IL1R1: variants seen among roughly 807,000 people sequenced by gnomAD.
IL1R1 encodes the protein interleukin 1 receptor type 1.
Under a neutral mutation model 50.2 loss-of-function variants are expected in IL1R1, and 22 were observed. The ratio of observed to expected loss-of-function variants is 0.44; its 90% CI spans 0.31 to 0.63. The LOEUF is 0.63. IL1R1 is among the 20% of genes least tolerant of loss of function. The probability of loss-of-function intolerance (pLI) is 0.07; values close to 1 mark genes in which losing one functional copy is unlikely to be tolerated. For synonymous variants in IL1R1, 251 were observed against 236.7 expected (o/e 1.06, Z -0.55); for missense variants, 509 against 676.2 (o/e 0.75, Z 2.74).
At chr2:102,166,876 T>G (rs1685225010) in intron 6 of IL1R1, among the ~76,000 whole-genome samples, 1 of 152,164 alleles carries the variant, frequency 6.6e-6, no homozygotes, top group South Asian at 2.1e-4. Flanking sequence ...GCTATGCAAT[T>G]AATAGGTGTA....
At chr2:102,095,840 T>C (rs1032414103) in intron 1 of IL1R1, among the ~76,000 whole-genome samples, 2 of 151,882 alleles carry the variant, frequency 1.3e-5, no homozygotes, top group Non-Finnish European at 2.9e-5. Flanking sequence ...CCATCTCTAC[T>C]AAAAATAGAA....
At chr2:102,095,927 C>A (rs909172194) in intron 1 of IL1R1, among the ~76,000 whole-genome samples, 1 of 152,042 alleles carries the variant, frequency 6.6e-6, no homozygotes, top group Non-Finnish European at 1.5e-5. Flanking sequence ...CACTTGAACC[C>A]GGGAGGCGGA....
intron 1 of IL1R1, among the ~76,000 whole-genome samples, 168 bp downstream of exon 1, chr2:102,143,188 G>T (rs1240384762): frequency 1.3e-5 from 2 of 152,226 alleles, no homozygotes; most frequent in Non-Finnish European, 2.9e-5. Flanking sequence ...GTCTGCGTGT[G>T]TGTGTTTCTT....
In IL1R1 at chr2:102,111,798, A is replaced by G. The variant is rs555415514; in HGVS notation, c.-84+6926A>G. 7.2e-5 allele frequency among the ~76,000 whole-genome samples: 11 copies of G among 152,214 alleles called. 1 individual carries two copies. Among genetic ancestry groups the G allele is most frequent in the Admixed American group, 6.5e-4 (10 of 15,296 alleles). On this transcript the variant is annotated intron_variant, in intron 1 of 10. Transcript: ENST00000409329. ...TCCTTCAGGGATGGGGTCTCAGGAG[A>G]CAGCTGCAAGTAGGGCTTCTCTGAC...
chr2:102,078,298 C>A (rs1182809746), intron 1 of IL1R1, among the ~76,000 whole-genome samples: 1 of 151,578 alleles, frequency 6.6e-6, no homozygotes, highest in African/African-American at 2.4e-5. Context: ...AAAAGATAAA[C>A]AAAACTGGCA....
At chr2:102,072,606 C>T (rs889798227) in intron 1 of IL1R1, among the ~76,000 whole-genome samples, 5 of 151,916 alleles carry the variant, frequency 3.3e-5, no homozygotes, top group African/African-American at 1.2e-4. Context: ...TTGCTTTTTG[C>T]TTCTTTCTTT....
intron 1 of IL1R1, among the ~76,000 whole-genome samples, chr2:102,080,143 A>G (rs1034545883): frequency 6.6e-6 from 1 of 152,164 alleles, no homozygotes; most frequent in African/African-American, 2.4e-5. Context: ...TTAGAAGGAA[A>G]TATAAATATA....
At chr2:102,151,787 A>G (rs536258477) in intron 1 of IL1R1, among the ~76,000 whole-genome samples, 1 of 152,340 alleles carries the variant, frequency 6.6e-6, no homozygotes, top group South Asian at 2.1e-4. Context: ...CAGAAATCTC[A>G]GAAGCTTCCA....
At chr2:102,093,862 C>T (rs1433461206) in intron 1 of IL1R1, among the ~76,000 whole-genome samples, 1 of 152,162 alleles carries the variant, frequency 6.6e-6, no homozygotes. Context: ...CGCGGGGCAG[C>T]AGGCTCCCGG....
At chr2:102,124,560 C>A (rs1480355858) in intron 1 of IL1R1, among the ~76,000 whole-genome samples, 2 of 152,132 alleles carry the variant, frequency 1.3e-5, no homozygotes, top group Admixed American at 6.6e-5. Context: ...GAAGCAAGTG[C>A]ATCTGACATG....
chr2:102,125,784 T>C (rs1285421123), intron 1 of IL1R1, among the ~76,000 whole-genome samples: 2 of 152,236 alleles, frequency 1.3e-5, no homozygotes, highest in Non-Finnish European at 2.9e-5. Flanking sequence ...GAAGAGGGTC[T>C]GTAATACACA....
upstream of IL1R1, among the ~76,000 whole-genome samples, chr2:102,138,243 T>C (rs1470680728): frequency 1.3e-5 from 2 of 152,140 alleles, no homozygotes; most frequent in Non-Finnish European, 2.9e-5. Flanking sequence ...GTAACAGTAC[T>C]TGGATGTCGC....
Position 102,166,736 on chromosome 2 carries a change from T to C in IL1R1, c.655+455T>C, listed in dbSNP as rs546180023. Reference sequence around the variant, plus strand: ...CCTCCTGTTCATTCTGTGTTAGGTGTTAACCTCTCTAACCCTGTTTCCTCT... The same window carrying C: ...CCTCCTGTTCATTCTGTGTTAGGTGCTAACCTCTCTAACCCTGTTTCCTCT... On this transcript the variant is annotated intron_variant, in intron 6 of 11. Coordinates refer to ENST00000410023, the MANE Select transcript of IL1R1 (RefSeq NM_000877.4). Among the ~76,000 whole-genome samples the C allele has an allele frequency of 3.3e-4, 51 of 152,310 alleles. No homozygotes were observed. The South Asian group carries it at 7.5e-3, about 22-fold the overall frequency.
At chr2:102,143,410 C>T (rs866860121) in intron 1 of IL1R1, among the ~76,000 whole-genome samples, 16 of 152,204 alleles carry the variant, frequency 1.1e-4, no homozygotes, top group African/African-American at 3.4e-4. Context: ...GCCTTAACCA[C>T]ACTGGGGAGG....
chr2:102,171,965 G>C, intron 8 of IL1R1, 47 bp downstream of exon 8: 1 of 969,642 alleles, frequency 1.0e-6, no homozygotes, highest in East Asian at 2.9e-5. Context: ...AATCCCACGT[G>C]ATATTTTATA....
rs993714346 is a variant in IL1R1, at chr2:102,179,327, G to A, written c.*2568G>A. The A allele has an allele frequency of 6.6e-6, 1 of 152,236 alleles. No individual in the cohort carries two copies. Among genetic ancestry groups the A allele is most frequent in the Non-Finnish European group, 1.5e-5 (1 of 68,034 alleles). The allele number at this position is 152,236 out of a possible 1,614,324, so 9.4% of individuals were successfully genotyped here. A position where few individuals can be genotyped will look rare whatever the true frequency, so the allele number is the denominator to read the frequency against. On this transcript the variant is annotated 3_prime_UTR_variant, in exon 12 of 12. Transcript: ENST00000410023. ...GAATGGCAGCTGGAATTTAAGGAGG[G>A]ACAAGAATCAATGGATAAGCGTGGG... is the stretch of plus-strand genomic sequence containing the variant.
chr2:102,135,215 T>G (rs1449609242), intron 1 of IL1R1, among the ~76,000 whole-genome samples: 1 of 152,170 alleles, frequency 6.6e-6, no homozygotes, highest in Non-Finnish European at 1.5e-5. Context: ...GGAACCACAG[T>G]GTTGCCTCTG....
chr2:102,111,702 C>T (rs1325605398), intron 1 of IL1R1, among the ~76,000 whole-genome samples: 1 of 152,110 alleles, frequency 6.6e-6, no homozygotes, highest in African/African-American at 2.4e-5. Flanking sequence ...GTGAAGAGGA[C>T]CCGGCCACCT....
At chr2:102,175,821 T>C in intron 11 of IL1R1, 176 bp downstream of exon 11, 1 of 662,720 alleles carries the variant, frequency 1.5e-6, no homozygotes, top group Non-Finnish European at 2.7e-6. Context: ...TTCTCTCATA[T>C]TTTGTCAGAG....
Sources: gnomAD v4.1 joint callset for allele counts (sites outside exome capture counted in the v4.1 genomes callset) on GRCh38, gnomAD v4.1.1 for gene constraint, MANE v1.5 for transcripts, NCBI Gene and HGNC (gene_info 2026-07-23, HGNC 2026-07-21) for gene names.